CACNA1D: variants seen among roughly 807,000 people sequenced by gnomAD.
CACNA1D encodes calcium voltage-gated channel subunit alpha1 D, also known as voltage-dependent L-type calcium channel subunit alpha-1D.
CACNA1D carries 55 observed loss-of-function variants against 257.1 expected under a neutral mutation model. That is an observed-to-expected ratio of 0.21 (90% CI 0.17 to 0.27). The LOEUF (loss-of-function observed/expected upper bound fraction) is 0.27. Ranked by LOEUF, CACNA1D falls within the 10% of genes least tolerant of loss-of-function variation. The pLI is 1.00. For missense variants in CACNA1D, 1,876 were observed against 2,784.0 expected, an observed-to-expected ratio of 0.67 and a Z score of 7.34; for synonymous variants, 980 against 1,014.9, an observed-to-expected ratio of 0.97 and a Z score of 0.65.
chr3:53,564,921 C>G (rs1318631236), intron 3 of CACNA1D, among the ~76,000 whole-genome samples: 1 of 152,112 alleles, frequency 6.6e-6, no homozygotes, highest in African/African-American at 2.4e-5. Context: ...TCCTCTGAAA[C>G]TTTTTTGTTT....
At chr3:53,540,246 G>C (rs1293965079) in intron 3 of CACNA1D, among the ~76,000 whole-genome samples, 1 of 151,672 alleles carries the variant, frequency 6.6e-6, no homozygotes. Context: ...AGCCTCCTGA[G>C]TAGTGGGGAT....
chr3:53,772,730 A>G (rs950949049), intron 32 of CACNA1D, 103 bp from the exon 33 acceptor site: 1 of 826,642 alleles, frequency 1.2e-6, no homozygotes, highest in African/African-American at 1.7e-5. Flanking sequence ...TAACACGTGG[A>G]ATAGAAAGGA....
At chr3:53,509,381 G>C (rs2091011401) in intron 3 of CACNA1D, among the ~76,000 whole-genome samples, 1 of 152,150 alleles carries the variant, frequency 6.6e-6, no homozygotes, top group Non-Finnish European at 1.5e-5. Flanking sequence ...CACAGGCCTT[G>C]CAGGACGAAG....
rs1161044121 is a variant in CACNA1D at position 53,731,133 on chromosome 3, A to G, written c.2393A>G (p.Asn798Ser). 2 of 1,608,030 alleles carry G rather than the reference A, an allele frequency of 1.2e-6. No homozygotes were observed. The highest frequency in any genetic ancestry group is 1.7e-6 in the Non-Finnish European group (2 of 1,174,422). The change falls in exon 17 of 48, where the codon AAC becomes AGC. Residue 798 changes from asparagine (N) to serine (S), a missense_variant. Asn to Ser is a conservative substitution (Grantham distance 46). Around this residue, in one of 10 missense-constraint regions of CACNA1D, gnomAD observed 78 missense variants for 69.2 expected, o/e 1.13. Coordinates refer to ENST00000350061, the MANE Select transcript of CACNA1D (RefSeq NM_001128840.3). The stretch of plus-strand genomic sequence containing the variant: ...AAACCAGAAGTCAACCAGATAGCCA[A>G]CAGTGACAACAAGGTATGTATTCTA... ...NNKPEVNQIA[N>S]SDNKVTIDDY...
intron 20 of CACNA1D, among the ~76,000 whole-genome samples, chr3:53,738,886 C>A (rs546194832): frequency 4.0e-5 from 6 of 151,744 alleles, no homozygotes; most frequent in Admixed American, 3.9e-4. Context: ...CTACTAGATG[C>A]TTTCCATGTT....
At chr3:53,735,285 C>A in intron 19 of CACNA1D, 89 bp from the exon 20 acceptor site, 1 of 1,233,626 alleles carries the variant, frequency 8.1e-7, no homozygotes, top group Non-Finnish European at 1.2e-6. Flanking sequence ...CTCTGCCTGG[C>A]CTCTTGCTGC....
Position 53,787,173 on chromosome 3 carries a change from AC to A in CACNA1D, c.4923+224del, listed in dbSNP as rs1212028756. Among the ~76,000 whole-genome samples, 3 of 151,948 alleles carry A rather than the reference AC, an allele frequency of 2.0e-5. No homozygotes were observed. The East Asian group carries it at 5.8e-4, about 29-fold the overall frequency. ...CCCATAGAGCCCTGCACCTGCCACT[AC>A]CCACGCGGCAGGGCTGCCAGGACGG... On this transcript the variant is annotated intron_variant, in intron 40 of 47. Coordinates refer to ENST00000350061, the MANE Select transcript of CACNA1D (RefSeq NM_001128840.3).
At chr3:53,740,935 G>T (rs2095111359) in intron 21 of CACNA1D, among the ~76,000 whole-genome samples, 1 of 152,154 alleles carries the variant, frequency 6.6e-6, no homozygotes, top group Non-Finnish European at 1.5e-5. Flanking sequence ...CTTGCAATAG[G>T]ATTTGCAAGA....
chr3:53,732,956 C>G lies in CACNA1D; in HGVS notation c.2615C>G (p.Thr872Ser). The change falls in exon 19 of 48, where the codon ACC becomes AGC. Residue 872 changes from threonine (T) to serine (S), a missense_variant. Coordinates refer to ENST00000350061, the MANE Select transcript of CACNA1D (RefSeq NM_001128840.3). ...EGSAFFILSKTNPIRVGCHKL... is the reference protein window; with the variant it reads ...EGSAFFILSKSNPIRVGCHKL... ...AGCGCTTTCTTCATTCTTAGCAAGA[C>G]CAACCCGTAAATACTCCCCTTCTAG... 1 of 1,613,926 alleles carries G rather than the reference C, an allele frequency of 6.2e-7. No individual in the cohort carries two copies. Among genetic ancestry groups the G allele is most frequent in the Non-Finnish European group, 8.5e-7 (1 of 1,179,854 alleles).
intron 8 of CACNA1D, among the ~76,000 whole-genome samples, chr3:53,675,609 A>G (rs1214366101): frequency 6.6e-6 from 1 of 152,132 alleles, no homozygotes; most frequent in Non-Finnish European, 1.5e-5. Flanking sequence ...AGAAAAGAGA[A>G]AAAGATGGGC....
chr3:53,565,997 T>C (rs1342605299), intron 3 of CACNA1D, among the ~76,000 whole-genome samples: 1 of 152,204 alleles, frequency 6.6e-6, no homozygotes, highest in South Asian at 2.1e-4. Context: ...AAGTATTACT[T>C]ATACTGTAAA....
chr3:53,691,747 ATAATATATATTACATATAAT>A (rs2094523728), intron 8 of CACNA1D, among the ~76,000 whole-genome samples: 6 of 53,558 alleles, frequency 1.1e-4, no homozygotes, highest in South Asian at 4.7e-4. Context: ...TATTACATAT[ATAATATATATTACATATAAT>A]ATATATATTA....
Position 53,783,939 on chromosome 3 carries a change from G to T in CACNA1D, c.4792+2272G>T, listed in dbSNP as rs2095439344. Among the ~76,000 whole-genome samples the T allele has an allele frequency of 2.0e-5, 3 of 152,216 alleles. No homozygotes were observed. The South Asian group carries it at 6.2e-4, about 32-fold the overall frequency. Reference sequence around the variant, plus strand: ...GTAAGGCCAGCCTCCACTCCAAGTGGCTGGGACTGGCAGATGTGGGGTGCT... The same window carrying T: ...GTAAGGCCAGCCTCCACTCCAAGTGTCTGGGACTGGCAGATGTGGGGTGCT... On this transcript the variant is annotated intron_variant, in intron 39 of 47. Coordinates refer to ENST00000350061, the MANE Select transcript of CACNA1D (RefSeq NM_001128840.3).
At chr3:53,566,989 C>T (rs755154452) in intron 3 of CACNA1D, among the ~76,000 whole-genome samples, 1 of 152,210 alleles carries the variant, frequency 6.6e-6, no homozygotes, top group Non-Finnish European at 1.5e-5. Flanking sequence ...CAGTCATCCT[C>T]CCCAAGGGGA....
At chr3:53,662,044 A>G (rs1288639521) in intron 5 of CACNA1D, among the ~76,000 whole-genome samples, 1 of 152,152 alleles carries the variant, frequency 6.6e-6, no homozygotes. Flanking sequence ...TGCTGTTTCT[A>G]GTGCTGGTTG....
chr3:53,673,208 G>A lies in CACNA1D; in HGVS notation c.1220+82G>A, dbSNP rs1037391719. On this transcript the variant is annotated intron_variant, in intron 8 of 47. Coordinates refer to ENST00000350061, the MANE Select transcript of CACNA1D (RefSeq NM_001128840.3). This position sits in a 1 kb window ranked among gnomAD's most constrained non-coding sequence, Gnocchi z 4.1. ...ACACAAGCTTTGCTGGATGAGGGCC[G>A]CCAAGAGGGGTTGCCAGACATTTTA... is the stretch of plus-strand genomic sequence containing the variant. 2.3e-5 allele frequency: 20 copies of A among 882,734 alleles called. No individual in the cohort carries two copies. Among genetic ancestry groups the A allele is most frequent in the Admixed American group, 1.7e-4 (8 of 45,738 alleles). The allele number at this position is 882,734 out of a possible 1,614,324, so 54.7% of individuals were successfully genotyped here. A position where few individuals can be genotyped will look rare whatever the true frequency, so the allele number is the denominator to read the frequency against.
chr3:53,536,837 T>C (rs2092127732), intron 3 of CACNA1D, among the ~76,000 whole-genome samples: 1 of 152,268 alleles, frequency 6.6e-6, no homozygotes, highest in South Asian at 2.1e-4. Flanking sequence ...AGATATTTGC[T>C]GTCTGGTCCT....
At chr3:53,645,722 G>A (rs1241479063) in intron 3 of CACNA1D, among the ~76,000 whole-genome samples, 1 of 152,128 alleles carries the variant, frequency 6.6e-6, no homozygotes, top group Non-Finnish European at 1.5e-5. Flanking sequence ...AGTATAATGG[G>A]CTTTGACAGC....
intron 3 of CACNA1D, among the ~76,000 whole-genome samples, chr3:53,603,159 C>A (rs2093466284): frequency 6.6e-6 from 1 of 152,218 alleles, no homozygotes; most frequent in Non-Finnish European, 1.5e-5. Flanking sequence ...TTCTGAGAGA[C>A]CTGAGCTGAC....
Sources: allele counts gnomAD v4.1 joint callset (sites outside exome capture counted in the v4.1 genomes callset), GRCh38; gene constraint gnomAD v4.1.1; regional missense constraint gnomAD v4.1.1; non-coding constraint Gnocchi (gnomAD v3.1); transcripts MANE v1.5; gene names NCBI Gene and HGNC (gene_info 2026-07-23, HGNC 2026-07-21).